Variants in EPB42 observed in about 807,000 individuals in gnomAD.
The protein encoded by EPB42 is erythrocyte membrane protein band 4.2.
In EPB42, 49 loss-of-function variants were observed where a neutral mutation model predicts 76.9. That is an observed-to-expected ratio of 0.64 (90% CI 0.51 to 0.81). EPB42 has a LOEUF of 0.81. EPB42 is among the 30% of genes least tolerant of loss of function. The pLI, the probability that EPB42 is intolerant of heterozygous loss-of-function variation, is 0.00. For missense variants in EPB42, 731 were observed against 867.6 expected, an observed-to-expected ratio of 0.84 and a Z score of 1.98; for synonymous variants, 310 against 338.4, an observed-to-expected ratio of 0.92 and a Z score of 0.92.
chr15:43,210,953 T>C (rs1462550178), intron 4 of EPB42, among the ~76,000 whole-genome samples: 2 of 152,166 alleles, frequency 1.3e-5, no homozygotes, highest in African/African-American at 4.8e-5. Flanking sequence ...AGGCTCCCCC[T>C]GCCTTCGGGG....
At chr15:43,208,538 A>G in intron 7 of EPB42, 99 bp downstream of exon 7, 6 of 1,580,138 alleles carry the variant, frequency 3.8e-6, no homozygotes, top group Non-Finnish European at 5.2e-6. Flanking sequence ...CCTACTCTCC[A>G]TGCCAGGGCC....
intron 1 of EPB42, among the ~76,000 whole-genome samples, chr15:43,218,346 T>C (rs2042409192): frequency 6.6e-6 from 1 of 152,150 alleles, no homozygotes; most frequent in Non-Finnish European, 1.5e-5. Flanking sequence ...ATTTGGATTC[T>C]TGTTCTGTCT....
intron 3 of EPB42, among the ~76,000 whole-genome samples, chr15:43,213,822 G>A (rs1169079585): frequency 6.6e-6 from 1 of 152,370 alleles, no homozygotes; most frequent in Admixed American, 6.5e-5. Context: ...CAGGAAATAA[G>A]GGCCTGAGCT....
chr15:43,216,479 G>A (rs190139979), intron 1 of EPB42, 26 bp from the exon 2 acceptor site: 29 of 1,611,718 alleles, frequency 1.8e-5, no homozygotes, highest in African/African-American at 1.5e-4. Context: ...GAGAAGTCAC[G>A]GAAACTAAGT....
chr15:43,215,017 G>T, intron 3 of EPB42, 78 bp downstream of exon 3: 1 of 1,258,354 alleles, frequency 7.9e-7, no homozygotes, highest in Non-Finnish European at 1.1e-6. Flanking sequence ...TGGTGCAGGT[G>T]CTCCCTGCCA....
intron 8 of EPB42, 109 bp from the exon 9 acceptor site, chr15:43,207,550 G>T: frequency 6.4e-7 from 1 of 1,558,286 alleles, no homozygotes; most frequent in Non-Finnish European, 8.7e-7. Flanking sequence ...CCTCCACGAG[G>T]ACCAAGGTCA....
chr15:43,202,695 C>G (rs2042144343), intron 11 of EPB42, among the ~76,000 whole-genome samples: 1 of 152,180 alleles, frequency 6.6e-6, no homozygotes, highest in Non-Finnish European at 1.5e-5. Flanking sequence ...CCATAAGCCT[C>G]TAGAACTTCC....
At chr15:43,210,215 C>T (rs958856930) in intron 5 of EPB42, 120 bp downstream of exon 5, 6 of 876,248 alleles carry the variant, frequency 6.8e-6, no homozygotes, top group Non-Finnish European at 1.2e-5. Context: ...GTCCCCACAC[C>T]CTGGGAGGAG....
intron 12 of EPB42, among the ~76,000 whole-genome samples, chr15:43,197,866 T>C (rs921410305): frequency 6.6e-6 from 1 of 152,152 alleles, no homozygotes; most frequent in African/African-American, 2.4e-5. Context: ...GGGGAGGTAA[T>C]TGAATCATGG....
At chr15:43,209,840 C>T (rs2042266322) in intron 5 of EPB42, among the ~76,000 whole-genome samples, 1 of 152,236 alleles carries the variant, frequency 6.6e-6, no homozygotes, top group Non-Finnish European at 1.5e-5. Flanking sequence ...TGGACTCTCA[C>T]CATCTTTTCA....
In EPB42 at chr15:43,206,238, G is replaced by A. The variant is rs954127353; in HGVS notation, c.1618+92C>T. On this transcript the variant is annotated intron_variant, in intron 10 of 12. Coordinates refer to ENST00000441366, the MANE Select transcript of EPB42 (RefSeq NM_001114134.2). This position sits in a 1 kb window ranked among gnomAD's most constrained non-coding sequence, Gnocchi z 4.7. ...GGGCTCAAAGCCATCTCTAGAGACT[G>A]CAGGGGGTGCCCTGTGGCTGCTGCC... 1.5e-6 allele frequency: 2 copies of A among 1,362,284 alleles called. No homozygotes were observed. The allele number at this position is 1,362,284 out of a possible 1,614,324, so 84.4% of individuals were successfully genotyped here.
intron 5 of EPB42, 123 bp from the exon 6 acceptor site, chr15:43,209,574 C>T: frequency 9.1e-7 from 1 of 1,101,198 alleles, no homozygotes; most frequent in Non-Finnish European, 1.3e-6. Flanking sequence ...GCATTAGAGC[C>T]ACCTGGTACT....
At chr15:43,200,916 A>G (rs150964109) in intron 12 of EPB42, among the ~76,000 whole-genome samples, 6,902 of 151,080 alleles carry the variant, frequency 0.046, 485 homozygotes, top group African/African-American at 0.14. Flanking sequence ...CCAGGTTCAC[A>G]CCATTCTCCT....
At chr15:43,210,467 G>A in intron 4 of EPB42, 28 bp from the exon 5 acceptor site, 1 of 1,602,764 alleles carries the variant, frequency 6.2e-7, no homozygotes, top group Non-Finnish European at 8.5e-7. Flanking sequence ...GGGCCATGAT[G>A]AAGGGTCCCC....
At chr15:43,205,430 C>T (rs887172468) in intron 10 of EPB42, among the ~76,000 whole-genome samples, 1 of 152,076 alleles carries the variant, frequency 6.6e-6, no homozygotes, top group African/African-American at 2.4e-5. Flanking sequence ...GACGGAGTGT[C>T]ACTGTGTCAC....
chr15:43,224,228 C>T (rs1217976895), upstream of EPB42, among the ~76,000 whole-genome samples: 2 of 152,194 alleles, frequency 1.3e-5, no homozygotes. Context: ...TCCTTTTCGT[C>T]TTCTTATAAG....
In EPB42 at chr15:43,211,518, C is replaced by T. The variant is rs2042296132; in HGVS notation, c.447G>A (p.Leu149=). The change falls in exon 4 of 13, where the codon CTG becomes CTA. Residue 149 remains leucine, a synonymous_variant. Transcript: ENST00000441366. ...NPWNREDAVF[L]KNEAQRMEYL... is the part of the protein sequence containing the mutation. ...ACTCCATGCGCTGAGCCTCATTCTTCAGGAACACAGCATCCTCTGGTGAGA... is the reference window on the plus strand; with the variant it reads ...ACTCCATGCGCTGAGCCTCATTCTTTAGGAACACAGCATCCTCTGGTGAGA... 1 of 1,613,366 alleles carries T rather than the reference C, an allele frequency of 6.2e-7. No individual in the cohort carries two copies. The highest frequency in any genetic ancestry group is 8.5e-7 in the Non-Finnish European group (1 of 1,179,290).
intron 7 of EPB42, 66 bp downstream of exon 7, chr15:43,208,571 A>T: frequency 6.2e-7 from 1 of 1,609,394 alleles, no homozygotes; most frequent in South Asian, 1.1e-5. Context: ...GGGCTCCTGC[A>T]GAGGTGTGCT....
rs942982945 is a variant in EPB42, at chr15:43,219,902, C to T, written c.10+914G>A. On this transcript the variant is annotated intron_variant, in intron 1 of 12. Transcript: ENST00000441366. ...CGGAGGTTGCAGTGAGCCGAGATTGCGCCACTGAACTCTAGCCTGGTGACA... is the reference window on the plus strand; with the variant it reads ...CGGAGGTTGCAGTGAGCCGAGATTGTGCCACTGAACTCTAGCCTGGTGACA... 6.1e-4 allele frequency among the ~76,000 whole-genome samples: 92 copies of T among 150,004 alleles called. 1 individual carries two copies. Among genetic ancestry groups the T allele is most frequent in the Non-Finnish European group, 9.0e-4 (61 of 67,762 alleles).
Sources: gnomAD v4.1 joint callset for allele counts (sites outside exome capture counted in the v4.1 genomes callset) on GRCh38, gnomAD v4.1.1 for gene constraint, Gnocchi (gnomAD v3.1) non-coding constraint, MANE v1.5 for transcripts, NCBI Gene and HGNC (gene_info 2026-07-23, HGNC 2026-07-21) for gene names.